RALA: variants seen among roughly 807,000 people sequenced by gnomAD.
RALA encodes the protein ras-related protein Ral-A.
In RALA, 5 loss-of-function variants were observed where a neutral mutation model predicts 24.0. That is an observed-to-expected ratio of 0.21 (90% CI 0.11 to 0.44). The LOEUF is 0.44. RALA is among the 20% of genes least tolerant of loss of function. The pLI, the probability that RALA is intolerant of heterozygous loss-of-function variation, is 0.99. For synonymous variants in RALA, 77 were observed against 83.8 expected (o/e 0.92, Z 0.44); for missense variants, 95 against 241.2 (o/e 0.39, Z 4.01).
At position 39,643,531 on chromosome 7, in the gene RALA, G is replaced by A. The variant is rs556823953; in HGVS notation, c.-38+19706G>A. ...AGGTCAGGAGTTCGAGACTAGCCTG[G>A]CCGACATGGCAAAATCCCCTCTCTA... On this transcript the variant is annotated intron_variant, in intron 1 of 4. Transcript: ENST00000005257. Among the ~76,000 whole-genome samples, 3 of 152,086 alleles carry A rather than the reference G, an allele frequency of 2.0e-5. No individual in the cohort carries two copies. In the East Asian group the frequency reaches 5.8e-4, roughly 29 times the overall value.
intron 3 of RALA, among the ~76,000 whole-genome samples, chr7:39,692,664 TA>T (rs1792843234): frequency 6.6e-6 from 1 of 152,230 alleles, no homozygotes; most frequent in African/African-American, 2.4e-5. Flanking sequence ...CCAGGTTTTC[TA>T]CAGCCGTGTT....
intron 1 of RALA, among the ~76,000 whole-genome samples, chr7:39,630,849 A>C (rs1443148560): frequency 2.0e-5 from 3 of 152,192 alleles, no homozygotes; most frequent in Non-Finnish European, 4.4e-5. Flanking sequence ...CCAGTACCAC[A>C]TCATTTTAAT....
At chr7:39,689,440 A>T (rs1162516238) in intron 2 of RALA, among the ~76,000 whole-genome samples, 3 of 152,244 alleles carry the variant, frequency 2.0e-5, no homozygotes, top group Non-Finnish European at 4.4e-5. Flanking sequence ...AGGCACTGTT[A>T]TAGGCTTTAG....
chr7:39,686,205 CAAA>C (rs35214885), intron 1 of RALA, among the ~76,000 whole-genome samples: 5 of 93,092 alleles, frequency 5.4e-5, no homozygotes, highest in South Asian at 3.5e-4. Context: ...GACTCCGTCT[CAAA>C]AAAAAAAAAA....
At chr7:39,645,810 A>G (rs1452874017) in intron 1 of RALA, among the ~76,000 whole-genome samples, 1 of 152,182 alleles carries the variant, frequency 6.6e-6, no homozygotes, top group African/African-American at 2.4e-5. Context: ...TTGACATTGA[A>G]TGTTCAAAAC....
Position 39,634,738 on chromosome 7 carries a change from C to T in RALA, c.-38+10913C>T, listed in dbSNP as rs1034870726. 2.0e-5 allele frequency among the ~76,000 whole-genome samples: 3 copies of T among 152,086 alleles called. 1 individual carries two copies. Among genetic ancestry groups the T allele is most frequent in the South Asian group, 4.1e-4 (2 of 4,820 alleles). On this transcript the variant is annotated intron_variant, in intron 1 of 4. Transcript: ENST00000005257. ...ATTTGCTGCTTGTGATTTTCAGTAG[C>T]TTTCTTAGTCCCTAAGAATAAAATA...
At chr7:39,631,185 T>C (rs547587074) in intron 1 of RALA, among the ~76,000 whole-genome samples, 13 of 152,104 alleles carry the variant, frequency 8.5e-5, no homozygotes, top group African/African-American at 2.9e-4. Context: ...TTTTTTTATT[T>C]TTAGTAGAGA....
chr7:39,697,404 T>TCAC (rs1345524827), intron 4 of RALA: 1 of 456,736 alleles, frequency 2.2e-6, no homozygotes, highest in East Asian at 6.9e-5. Context: ...CTCGCTTTGT[T>TCAC]CAGAGTGGCC....
At chr7:39,629,010 T>A (rs1182149084) in intron 1 of RALA, among the ~76,000 whole-genome samples, 1 of 152,266 alleles carries the variant, frequency 6.6e-6, no homozygotes, top group Non-Finnish European at 1.5e-5. Flanking sequence ...TCTCGACTAA[T>A]GTCCTGTTTG....
intron 1 of RALA, among the ~76,000 whole-genome samples, chr7:39,649,452 G>C (rs1031931398): frequency 2.6e-5 from 4 of 152,172 alleles, no homozygotes; most frequent in Admixed American, 6.5e-5. Context: ...CACGAGCGCA[G>C]AGTCCTCATG....
intron 1 of RALA, among the ~76,000 whole-genome samples, chr7:39,648,292 C>A (rs1038874633): frequency 2.0e-5 from 3 of 152,138 alleles, no homozygotes; most frequent in Non-Finnish European, 4.4e-5. Flanking sequence ...TTGACTTATA[C>A]TCTAGTCCTC....
intron 1 of RALA, among the ~76,000 whole-genome samples, chr7:39,658,041 T>TC (rs1205586326): frequency 6.6e-6 from 1 of 152,214 alleles, no homozygotes; most frequent in Non-Finnish European, 1.5e-5. Context: ...GCACATGCAT[T>TC]CTAGTCCGTA....
At position 39,649,046 on chromosome 7, in the gene RALA, C is replaced by T. The variant is rs376642269; in HGVS notation, c.-38+25221C>T. ...TTGCACTCCAGCCTGTGCGACAGAG[C>T]GAGACCCTGTCTCAATAAAAATAAA... On this transcript the variant is annotated intron_variant, in intron 1 of 4. Transcript: ENST00000005257. Among the ~76,000 whole-genome samples the T allele has an allele frequency of 6.6e-5, 10 of 152,130 alleles. No individual in the cohort carries two copies. In the East Asian group the frequency reaches 1.2e-3, roughly 18 times the overall value.
chr7:39,639,261 A>G (rs1363674426), intron 1 of RALA, among the ~76,000 whole-genome samples: 1 of 152,260 alleles, frequency 6.6e-6, no homozygotes, highest in African/African-American at 2.4e-5. Context: ...AGAAAGATTG[A>G]TACAAACAAG....
intron 2 of RALA, among the ~76,000 whole-genome samples, chr7:39,687,011 G>A (rs1348589565): frequency 2.0e-5 from 3 of 151,944 alleles, no homozygotes; most frequent in East Asian, 1.9e-4. Context: ...AAAACAGTAC[G>A]CCTTTTTTTA....
intron 1 of RALA, among the ~76,000 whole-genome samples, chr7:39,673,455 T>A (rs1583736492): frequency 6.6e-6 from 1 of 152,336 alleles, no homozygotes; most frequent in East Asian, 1.9e-4. Flanking sequence ...ATTATTAAAC[T>A]GTCTTCATGT....
At position 39,661,757 on chromosome 7, in the gene RALA, A is replaced by G. The variant is rs1394492506; in HGVS notation, c.-37-24874A>G. On this transcript the variant is annotated intron_variant, in intron 1 of 4. Transcript: ENST00000005257. ...CATGGTGCAAGCTGTCAGTGGATTTACCATTCTAGGGTCTGGAGGACAGTG... is the reference window on the plus strand; with the variant it reads ...CATGGTGCAAGCTGTCAGTGGATTTGCCATTCTAGGGTCTGGAGGACAGTG... Among the ~76,000 whole-genome samples, 5 of 152,192 alleles carry G rather than the reference A, an allele frequency of 3.3e-5. No individual in the cohort carries two copies. In the East Asian group the frequency reaches 5.8e-4, roughly 18 times the overall value.
intron 4 of RALA, among the ~76,000 whole-genome samples, chr7:39,704,296 C>T (rs1344709661): frequency 1.3e-5 from 2 of 151,778 alleles, no homozygotes; most frequent in Non-Finnish European, 2.9e-5. Flanking sequence ...GAAATAATTC[C>T]TCTAGTCAGT....
At chr7:39,629,971 C>T (rs186840564) in intron 1 of RALA, among the ~76,000 whole-genome samples, 44 of 152,128 alleles carry the variant, frequency 2.9e-4, no homozygotes, top group South Asian at 1.7e-3. Context: ...CCTCGTGATC[C>T]GTCCACCTCA....
Sources: gnomAD v4.1 joint callset for allele counts (sites outside exome capture counted in the v4.1 genomes callset) on GRCh38, gnomAD v4.1.1 for gene constraint, MANE v1.5 for transcripts, NCBI Gene and HGNC (gene_info 2026-07-23, HGNC 2026-07-21) for gene names.